RSPO4: variants seen among roughly 807,000 people sequenced by gnomAD.
The protein encoded by RSPO4 is R-spondin 4.
In RSPO4, 23 loss-of-function variants were observed where a neutral mutation model predicts 24.8. That is an observed-to-expected ratio of 0.93 (90% CI 0.67 to 1.31). The LOEUF is 1.31. Ranked by LOEUF, RSPO4 falls within the 40% of genes most tolerant of loss-of-function variation. RSPO4 has a pLI of 0.00. For missense variants in RSPO4, 333 were observed against 316.5 expected, an observed-to-expected ratio of 1.05 and a Z score of -0.39; for synonymous variants, 141 against 127.4, an observed-to-expected ratio of 1.11 and a Z score of -0.72.
In RSPO4 at chr20:993,695, C is replaced by T. The variant is rs1388709197; in HGVS notation, c.79+8391G>A. Among the ~76,000 whole-genome samples, 4 of 152,156 alleles carry T rather than the reference C, an allele frequency of 2.6e-5. No homozygotes were observed. In the East Asian group the frequency reaches 7.7e-4, roughly 29 times the overall value. The stretch of plus-strand genomic sequence containing the variant: ...GTCTGGATGGAATCCTGGTTTTTGC[C>T]AAACTTACTCTGCCAAGCTGTGGGG... On this transcript the variant is annotated intron_variant, in intron 1 of 4. Transcript: ENST00000217260.
intron 2 of RSPO4, 40 bp downstream of exon 2, chr20:967,910 G>A: frequency 6.3e-7 from 1 of 1,588,206 alleles, no homozygotes. Flanking sequence ...TGGTGTCTAG[G>A]AGCCCAGCAC....
chr20:967,361 T>C (rs778788790), intron 2 of RSPO4, 47 bp from the exon 3 acceptor site: 2 of 1,605,774 alleles, frequency 1.2e-6, no homozygotes, highest in Admixed American at 3.3e-5. Context: ...CTGCCAAGGA[T>C]GGGGCCCACT....
At chr20:985,666 T>C (rs555759794) in intron 1 of RSPO4, among the ~76,000 whole-genome samples, 1 of 152,364 alleles carries the variant, frequency 6.6e-6, no homozygotes, top group African/African-American at 2.4e-5. Context: ...CTAGGACTTA[T>C]TGAGAGGGGG....
At chr20:962,684 G>T (rs1160415283) in intron 4 of RSPO4, among the ~76,000 whole-genome samples, 5 of 152,180 alleles carry the variant, frequency 3.3e-5, no homozygotes, top group African/African-American at 1.2e-4. Context: ...AATAGCACAA[G>T]TCCTTCTGAA....
In RSPO4 at chr20:995,627, T is replaced by C. The variant is rs114752793; in HGVS notation, c.79+6459A>G. 1.6e-3 allele frequency among the ~76,000 whole-genome samples: 241 copies of C among 152,292 alleles called. 1 individual carries two copies. Among genetic ancestry groups the C allele is most frequent in the African/African-American group, 5.3e-3 (222 of 41,542 alleles). On this transcript the variant is annotated intron_variant, in intron 1 of 4. Coordinates refer to ENST00000217260, the MANE Select transcript of RSPO4 (RefSeq NM_001029871.4). The stretch of plus-strand genomic sequence containing the variant: ...GAAACAAGCATCTGAACTAAGGCAA[T>C]TGTTTGGAGCTCCAGAGACAGACTC...
chr20:988,228 T>A (rs531323014), intron 1 of RSPO4, among the ~76,000 whole-genome samples: 18 of 151,842 alleles, frequency 1.2e-4, no homozygotes, highest in African/African-American at 4.3e-4. Flanking sequence ...CATGGATGAG[T>A]TTGGATGGTG....
chr20:961,884 C>T (rs1052944831), intron 4 of RSPO4, among the ~76,000 whole-genome samples: 3 of 151,978 alleles, frequency 2.0e-5, no homozygotes, highest in African/African-American at 4.8e-5. Flanking sequence ...TAGGCACCCA[C>T]CCATCACCTA....
intron 1 of RSPO4, among the ~76,000 whole-genome samples, chr20:986,637 C>G (rs140014349): frequency 8.1e-6 from 1 of 122,708 alleles, no homozygotes; most frequent in African/African-American, 3.2e-5. Flanking sequence ...TTTAAAAATA[C>G]GACTGTGCAT....
At chr20:985,092 C>T (rs377514711) in intron 1 of RSPO4, among the ~76,000 whole-genome samples, 1 of 137,648 alleles carries the variant, frequency 7.3e-6, no homozygotes, top group Non-Finnish European at 1.5e-5. Context: ...TCCATCCACT[C>T]ACCCACCCAT....
chr20:964,962 C>T (rs1023953622), intron 3 of RSPO4, among the ~76,000 whole-genome samples: 4 of 151,980 alleles, frequency 2.6e-5, no homozygotes, highest in African/African-American at 4.8e-5. Context: ...GCTAAGGGAA[C>T]GCAGCAAGAG....
At chr20:971,532 C>A (rs571411503) in intron 1 of RSPO4, among the ~76,000 whole-genome samples, 1 of 152,220 alleles carries the variant, frequency 6.6e-6, no homozygotes, top group African/African-American at 2.4e-5. Flanking sequence ...CACAACCCAG[C>A]CATGATAAAT....
At chr20:997,265 G>GT (rs1985324557) in intron 1 of RSPO4, among the ~76,000 whole-genome samples, 3 of 152,160 alleles carry the variant, frequency 2.0e-5, no homozygotes, top group Non-Finnish European at 4.4e-5. Context: ...GGGTTGGATG[G>GT]TTTCCGTCCA....
At chr20:1,001,026 G>C (rs1312773659) in intron 1 of RSPO4, among the ~76,000 whole-genome samples, 3 of 152,176 alleles carry the variant, frequency 2.0e-5, no homozygotes, top group Non-Finnish European at 4.4e-5. Context: ...TCCTTGCTCA[G>C]ACCCGATGCC....
At chr20:992,540 C>A (rs1183833050) in intron 1 of RSPO4, among the ~76,000 whole-genome samples, 4 of 152,164 alleles carry the variant, frequency 2.6e-5, no homozygotes, top group African/African-American at 4.8e-5. Context: ...CCTCTCCCCC[C>A]ATGACGCATG....
In RSPO4 at chr20:960,245, G is replaced by C. The variant is rs1568899529; in HGVS notation, c.*112C>G. On this transcript the variant is annotated 3_prime_UTR_variant, in exon 5 of 5. Transcript: ENST00000217260. ...AATGATAGAAGGGTGGAAAGAAAGA[G>C]AGGACAAATGGAGAAGACAGAGGAG... 1 of 697,900 alleles carries C rather than the reference G, an allele frequency of 1.4e-6. No homozygotes were observed. Among genetic ancestry groups the C allele is most frequent in the Non-Finnish European group, 2.5e-6 (1 of 396,682 alleles). 43.2% of individuals were successfully genotyped at this position (697,900 alleles called of 1,614,324 possible). A position where few individuals can be genotyped will look rare whatever the true frequency, so the allele number is the denominator to read the frequency against.
Position 1,002,073 on chromosome 20 carries a change from C to T in RSPO4, c.79+13G>A. ...GCGCCTGCCCGGCCGCCCTGCCCAG[C>T]CACCCCTTGTACCTTGCTTCTTCCT... On this transcript the variant is annotated intron_variant, in intron 1 of 4. Transcript: ENST00000217260. The surrounding 1 kb of genome is among the most constrained non-coding windows in gnomAD (Gnocchi z 4.6). 1 of 1,549,872 alleles carries T rather than the reference C, an allele frequency of 6.5e-7. No homozygotes were observed. The highest frequency in any genetic ancestry group is 8.7e-7 in the Non-Finnish European group (1 of 1,146,190).
chr20:977,385 C>T (rs779838469), intron 1 of RSPO4, among the ~76,000 whole-genome samples: 1 of 152,166 alleles, frequency 6.6e-6, no homozygotes, highest in Non-Finnish European at 1.5e-5. Flanking sequence ...TGACCTTGAC[C>T]CAGTGCCTTA....
At chr20:999,840 C>G (rs1026173243) in intron 1 of RSPO4, among the ~76,000 whole-genome samples, 1 of 152,084 alleles carries the variant, frequency 6.6e-6, no homozygotes, top group African/African-American at 2.4e-5. Flanking sequence ...TGAGAAGCAT[C>G]TTAAAGTCTT....
intron 1 of RSPO4, among the ~76,000 whole-genome samples, chr20:996,694 G>A (rs1262146903): frequency 6.6e-6 from 1 of 152,174 alleles, no homozygotes; most frequent in Non-Finnish European, 1.5e-5. Flanking sequence ...TCAATACCCA[G>A]CCCAGGGCCT....
Sources: gnomAD v4.1 joint callset for allele counts (sites outside exome capture counted in the v4.1 genomes callset) on GRCh38, gnomAD v4.1.1 for gene constraint, Gnocchi (gnomAD v3.1) non-coding constraint, MANE v1.5 for transcripts, NCBI Gene and HGNC (gene_info 2026-07-23, HGNC 2026-07-21) for gene names.